FCAR: variants seen among roughly 807,000 people sequenced by gnomAD.
FCAR encodes the protein Fc alpha receptor.
In FCAR, 21 loss-of-function variants were observed where a neutral mutation model predicts 27.1. The observed-to-expected ratio is 0.77, with a 90% CI of 0.55 to 1.11. FCAR has a LOEUF of 1.11. Ranked by LOEUF, FCAR falls within the 50% of genes most tolerant of loss-of-function variation. The probability of loss-of-function intolerance (pLI) is 0.00; values close to 1 mark genes in which losing one functional copy is unlikely to be tolerated. For synonymous variants in FCAR, 134 were observed against 135.8 expected (o/e 0.99, Z 0.09); for missense variants, 404 against 358.4 (o/e 1.13, Z -1.03).
At chr19:54,888,858 G>A (rs115311799) in intron 4 of FCAR, 44,815 of 986,514 alleles carry the variant, frequency 0.045, 1,175 homozygotes, top group Admixed American at 0.11. Context: ...TTGTAGAGAT[G>A]TGATTAGGTA....
intron 2 of FCAR, among the ~76,000 whole-genome samples, chr19:54,880,026 T>G (rs2066326001): frequency 6.6e-6 from 1 of 151,798 alleles, no homozygotes; most frequent in Non-Finnish European, 1.5e-5. Flanking sequence ...AATCTGATGA[T>G]TTTGTGTCTT....
intron 2 of FCAR, among the ~76,000 whole-genome samples, chr19:54,877,214 G>A (rs1202521983): frequency 2.0e-5 from 3 of 152,154 alleles, no homozygotes; most frequent in African/African-American, 7.2e-5. Flanking sequence ...ATTCAGCTGT[G>A]AGTCTGTCTG....
At chr19:54,883,070 A>C (rs1016778191) in intron 2 of FCAR, among the ~76,000 whole-genome samples, 2 of 151,912 alleles carry the variant, frequency 1.3e-5, no homozygotes, top group Non-Finnish European at 2.9e-5. Flanking sequence ...ACAGTGGCAC[A>C]ATCTCGGCTC....
In FCAR at chr19:54,874,293, G is replaced by T. The variant is rs1341717816; in HGVS notation, c.4G>T (p.Asp2Tyr). Residue 2 changes from aspartate (D) to tyrosine (Y), a missense_variant, in exon 1 of 5, where the codon GAC becomes TAC. Coordinates refer to ENST00000355524, the MANE Select transcript of FCAR (RefSeq NM_002000.4). ...GGGCTGAGGCCGTGTCAGCACGATG[G>T]ACCCCAAACAGACCACCCTCCTGTG... M[D>Y]PKQTTLLCLV... is the part of the protein sequence containing the mutation. 4 of 1,614,120 alleles carry T rather than the reference G, an allele frequency of 2.5e-6. No homozygotes were observed. The Admixed American group carries it at 6.7e-5, about 27-fold the overall frequency.
At chr19:54,880,619 T>G (rs1174088607) in intron 2 of FCAR, among the ~76,000 whole-genome samples, 1 of 152,206 alleles carries the variant, frequency 6.6e-6, no homozygotes, top group East Asian at 1.9e-4. Context: ...AAGACACTGT[T>G]GCTTTTTGAG....
intron 3 of FCAR, among the ~76,000 whole-genome samples, chr19:54,886,199 G>T (rs1300257302): frequency 6.8e-6 from 1 of 148,078 alleles, no homozygotes; most frequent in Non-Finnish European, 1.5e-5. Context: ...AGTGAGCCAA[G>T]ATCACACCAC....
chr19:54,878,549 A>AT (rs370432472), intron 2 of FCAR, among the ~76,000 whole-genome samples: 12 of 147,048 alleles, frequency 8.2e-5, no homozygotes, highest in South Asian at 2.1e-4. Context: ...TCTTTTTTTA[A>AT]TTTTTTTTTT....
At chr19:54,883,519 G>A (rs1411068159) in intron 2 of FCAR, among the ~76,000 whole-genome samples, 5 of 152,190 alleles carry the variant, frequency 3.3e-5, no homozygotes, top group African/African-American at 1.2e-4. Context: ...CACCTCTGCA[G>A]GCTGATGAAA....
chr19:54,885,201 A>AAG, intron 2 of FCAR, 34 bp from the exon 3 acceptor site: 1 of 1,585,260 alleles, frequency 6.3e-7, no homozygotes. Context: ...TCCCCATGGC[A>AAG]AGCCACCTCA....
In FCAR at chr19:54,879,753, G is replaced by A. The variant is rs113363548; in HGVS notation, c.70+4388G>A. The stretch of plus-strand genomic sequence containing the variant: ...GGCTGGAGTGCAATGGCGTGATCTC[G>A]GCTCACTGCAAGCTCCGCCTCCCGG... On this transcript the variant is annotated intron_variant, in intron 2 of 4. Coordinates refer to ENST00000355524, the MANE Select transcript of FCAR (RefSeq NM_002000.4). Among the ~76,000 whole-genome samples, 925 of 150,790 alleles carry A rather than the reference G, an allele frequency of 6.1e-3. 6 individuals carry two copies. The highest frequency in any genetic ancestry group is 0.015 in the African/African-American group (630 of 40,982).
chr19:54,883,479 G>A (rs587671496), intron 2 of FCAR, among the ~76,000 whole-genome samples: 2 of 152,082 alleles, frequency 1.3e-5, no homozygotes, highest in Admixed American at 6.6e-5. Flanking sequence ...ATCCTTCCCC[G>A]GCCAGCCCTA....
Position 54,890,800 on chromosome 19 carries a change from C to G in FCAR, c.*937C>G, listed in dbSNP as rs1385615757. 6.6e-6 allele frequency: 1 copy of G among 151,972 alleles called. No homozygotes were observed. The highest frequency in any genetic ancestry group is 1.9e-4 in the East Asian group (1 of 5,202). The allele number at this position is 151,972 out of a possible 1,614,324, so 9.4% of individuals were successfully genotyped here. ...TAAGCATGCCAAATATATTCAATAA[C>G]CCCCCTCCTTTATTTTTTTTTGTTG... On this transcript the variant is annotated 3_prime_UTR_variant, in exon 5 of 5. Coordinates refer to ENST00000355524, the MANE Select transcript of FCAR (RefSeq NM_002000.4).
chr19:54,888,321 G>A (rs1369231858), intron 4 of FCAR, 27 bp downstream of exon 4: 2 of 1,611,332 alleles, frequency 1.2e-6, no homozygotes, highest in African/African-American at 1.3e-5. Flanking sequence ...CCAGCCCTGT[G>A]TCTGGGTTGG....
chr19:54,875,236 G>A, intron 1 of FCAR, 94 bp from the exon 2 acceptor site: 2 of 994,990 alleles, frequency 2.0e-6, no homozygotes, highest in South Asian at 1.3e-5. Context: ...AATCCATCTG[G>A]TACTGGTCTT....
chr19:54,880,055 T>C (rs1310997432), intron 2 of FCAR, among the ~76,000 whole-genome samples: 1 of 142,236 alleles, frequency 7.0e-6, no homozygotes, highest in East Asian at 2.1e-4. Context: ...TCTTCTTGTG[T>C]AGTATTTTGC....
intron 4 of FCAR, 138 bp from the exon 5 acceptor site, chr19:54,889,511 G>A: frequency 7.0e-6 from 5 of 711,512 alleles, no homozygotes; most frequent in Non-Finnish European, 1.3e-5. Context: ...GGCGAAGCAT[G>A]AGCTCATTGA....
rs587716870 is a variant in FCAR, at chr19:54,877,852, C to T, written c.70+2487C>T. ...GCATTGTACAGTTTTGAGTGGTTTT[C>T]TTAGTATTTATTCCTATTTTTATTC... On this transcript the variant is annotated intron_variant, in intron 2 of 4. Transcript: ENST00000355524. 4.6e-5 allele frequency among the ~76,000 whole-genome samples: 7 copies of T among 151,362 alleles called. No individual in the cohort carries two copies. The South Asian group carries it at 1.3e-3, about 27-fold the overall frequency.
Position 54,885,404 on chromosome 19 carries a change from G to C in FCAR, c.240G>C (p.Glu80Asp), listed in dbSNP as rs1449157860. The change falls in exon 3 of 5, where the codon GAG becomes GAC. Residue 80 changes from glutamate to aspartate, a missense_variant. Coordinates refer to ENST00000355524, the MANE Select transcript of FCAR (RefSeq NM_002000.4). Reference sequence around the variant, plus strand: ...GCAGAAGACTGAAGTTTTGGAATGAGACTGATCCTGAGTTCGTCATTGACC... The same window carrying C: ...GCAGAAGACTGAAGTTTTGGAATGACACTGATCCTGAGTTCGTCATTGACC... ...EIGRRLKFWN[E>D]TDPEFVIDHM... 2 of 1,614,044 alleles carry C rather than the reference G, an allele frequency of 1.2e-6. No homozygotes were observed. The highest frequency in any genetic ancestry group is 1.1e-5 in the South Asian group (1 of 91,052).
chr19:54,876,930 C>T (rs1601893386), intron 2 of FCAR, among the ~76,000 whole-genome samples: 2 of 152,114 alleles, frequency 1.3e-5, no homozygotes, highest in Non-Finnish European at 2.9e-5. Context: ...TCGAATCAAC[C>T]TTGCATCCCA....
Sources: gnomAD v4.1 joint callset for allele counts (sites outside exome capture counted in the v4.1 genomes callset) on GRCh38, gnomAD v4.1.1 for gene constraint, MANE v1.5 for transcripts, NCBI Gene and HGNC (gene_info 2026-07-23, HGNC 2026-07-21) for gene names.